Variants in WDR19 observed in about 807,000 individuals in gnomAD.
The protein encoded by WDR19 is WD repeat-containing protein 19.
Under a neutral mutation model 180.0 loss-of-function variants are expected in WDR19, and 121 were observed. The ratio of observed to expected loss-of-function variants is 0.67; its 90% CI spans 0.58 to 0.78. The LOEUF is 0.78. WDR19 is among the 30% of genes least tolerant of loss of function. The pLI, the probability that WDR19 is intolerant of heterozygous loss-of-function variation, is 0.00. For missense variants in WDR19, 1,450 were observed against 1,640.7 expected (o/e 0.88, Z 2.01); for synonymous variants, 497 against 540.7 (o/e 0.92, Z 1.12).
intron 10 of WDR19, among the ~76,000 whole-genome samples, chr4:39,214,877 A>G (rs754544988): frequency 1.4e-4 from 21 of 151,224 alleles, no homozygotes; most frequent in Admixed American, 6.6e-4. Flanking sequence ...GGCTCAAGCT[A>G]TTCTCCTGCC....
chr4:39,251,499 A>G (rs1381751986), intron 24 of WDR19, among the ~76,000 whole-genome samples: 3 of 152,020 alleles, frequency 2.0e-5, no homozygotes, highest in Non-Finnish European at 4.4e-5. Flanking sequence ...ACAAAAGCCA[A>G]AATTGACAAA....
rs1220683360 is a variant in WDR19, at chr4:39,231,821, C to T, written c.2007C>T (p.Cys669=). The change falls in exon 18 of 37, where the codon TGC becomes TGT. Residue 669 remains cysteine (C), a synonymous_variant. Coordinates refer to ENST00000399820, the MANE Select transcript of WDR19 (RefSeq NM_025132.4). ...LKRFSDAWEM[C]RILNDEAAWN... ...GGTTTTCTGATGCTTGGGAAATGTGCAGGATTCTGAATGATGAGGCTGCCT... is the reference window on the plus strand; with the variant it reads ...GGTTTTCTGATGCTTGGGAAATGTGTAGGATTCTGAATGATGAGGCTGCCT... The T allele has an allele frequency of 3.1e-6, 5 of 1,593,660 alleles. No individual in the cohort carries two copies. Among genetic ancestry groups the T allele is most frequent in the Admixed American group, 1.7e-5 (1 of 59,410 alleles).
intron 6 of WDR19, among the ~76,000 whole-genome samples, chr4:39,202,556 G>A (rs1489960813): frequency 6.6e-6 from 1 of 151,952 alleles, no homozygotes; most frequent in African/African-American, 2.4e-5. Context: ...GATAAAATTA[G>A]TATGTCCCTT....
chr4:39,229,367 G>A (rs1465982207), intron 17 of WDR19, among the ~76,000 whole-genome samples: 1 of 152,148 alleles, frequency 6.6e-6, no homozygotes, highest in Admixed American at 6.5e-5. Flanking sequence ...GTGAGGCTCA[G>A]ATAAGATAGT....
intron 4 of WDR19, 76 bp downstream of exon 4, chr4:39,189,857 T>A: frequency 1.2e-5 from 18 of 1,445,790 alleles, no homozygotes; most frequent in Non-Finnish European, 1.7e-5. Context: ...AACAATTCTT[T>A]ACTACTTTCA....
chr4:39,192,823 G>A (rs982226999), intron 4 of WDR19, among the ~76,000 whole-genome samples: 4 of 152,160 alleles, frequency 2.6e-5, no homozygotes, highest in Non-Finnish European at 1.5e-5. Flanking sequence ...GAGTCTTTGG[G>A]CAAAAGTTAC....
intron 15 of WDR19, among the ~76,000 whole-genome samples, chr4:39,227,678 G>A (rs1233851156): frequency 3.3e-5 from 5 of 152,118 alleles, no homozygotes; most frequent in Admixed American, 1.3e-4. Context: ...TTTGCTATCC[G>A]TGGGAGATCC....
Position 39,260,450 on chromosome 4 carries a change from G to A in WDR19, c.3183+2896G>A, listed in dbSNP as rs567542134. ...CCTCCTGGGTTCAAGTGATTCTCCT[G>A]CCTCGGCCTCCAGCAGTAGCTGAGA... is the stretch of plus-strand genomic sequence containing the variant. On this transcript the variant is annotated intron_variant, in intron 28 of 36. Coordinates refer to ENST00000399820, the MANE Select transcript of WDR19 (RefSeq NM_025132.4). Among the ~76,000 whole-genome samples the A allele has an allele frequency of 1.4e-3, 215 of 150,502 alleles. 2 individuals carry two copies. Among genetic ancestry groups the A allele is most frequent in the African/African-American group, 5.0e-3 (205 of 40,964 alleles).
chr4:39,266,581 C>T (rs924049476), intron 29 of WDR19, among the ~76,000 whole-genome samples: 2 of 152,114 alleles, frequency 1.3e-5, no homozygotes, highest in Non-Finnish European at 2.9e-5. Context: ...TAGCCATGCC[C>T]CTCTAGATAA....
rs142116483 is a variant in WDR19 at position 39,200,967 on chromosome 4, G to A, written c.522+1374G>A. Among the ~76,000 whole-genome samples the A allele has an allele frequency of 1.2e-4, 18 of 152,264 alleles. 1 individual carries two copies. In the East Asian group the frequency reaches 3.5e-3, roughly 29 times the overall value. ...GAGATCAATGAAAGTTTGATTGTGA[G>A]TCTCTCAAAGATAGAAGGCTATCTG... On this transcript the variant is annotated intron_variant, in intron 6 of 36. Coordinates refer to ENST00000399820, the MANE Select transcript of WDR19 (RefSeq NM_025132.4).
At chr4:39,185,344 G>A (rs1362196456) in intron 1 of WDR19, among the ~76,000 whole-genome samples, 2 of 152,162 alleles carry the variant, frequency 1.3e-5, no homozygotes, top group Admixed American at 6.5e-5. Context: ...TTTTTGTTCA[G>A]TTTAATCACC....
intron 9 of WDR19, among the ~76,000 whole-genome samples, chr4:39,210,660 C>A (rs1728399807): frequency 6.6e-6 from 1 of 151,990 alleles, no homozygotes; most frequent in African/African-American, 2.4e-5. Flanking sequence ...AGCAACAGAG[C>A]AAGACCCTGT....
chr4:39,240,593 A>G (rs1731828847), intron 21 of WDR19, among the ~76,000 whole-genome samples: 1 of 152,164 alleles, frequency 6.6e-6, no homozygotes, highest in African/African-American at 2.4e-5. Context: ...GTTGGAAATA[A>G]GATTTTTATC....
intron 9 of WDR19, 147 bp downstream of exon 9, chr4:39,205,883 G>A (rs1577874452): frequency 5.4e-6 from 4 of 737,812 alleles, no homozygotes; most frequent in African/African-American, 1.8e-5. Context: ...TTAATATTCA[G>A]GGCAAAAATA....
chr4:39,269,072 G>A (rs1373348208), intron 30 of WDR19, among the ~76,000 whole-genome samples: 1 of 152,074 alleles, frequency 6.6e-6, no homozygotes, highest in Admixed American at 6.6e-5. Context: ...GGGAGGTGGG[G>A]AAGTGCTGGG....
At chr4:39,245,304 T>C in intron 23 of WDR19, 65 bp from the exon 24 acceptor site, 1 of 1,315,128 alleles carries the variant, frequency 7.6e-7, no homozygotes, top group Non-Finnish European at 1.1e-6. Context: ...TAACATTTGG[T>C]TATAGCAGGC....
chr4:39,197,984 G>A (rs1266754885), intron 5 of WDR19, among the ~76,000 whole-genome samples: 1 of 151,592 alleles, frequency 6.6e-6, no homozygotes, highest in Non-Finnish European at 1.5e-5. Flanking sequence ...GACTACAGGT[G>A]TGTGCACCAG....
chr4:39,270,238 A>G (rs190165865), intron 31 of WDR19, 138 bp downstream of exon 31: 1 of 1,211,332 alleles, frequency 8.3e-7, no homozygotes, highest in East Asian at 2.5e-5. Flanking sequence ...AAGATACAGA[A>G]CATATCTACA....
chr4:39,223,520 G>T (rs1256185554), intron 14 of WDR19, among the ~76,000 whole-genome samples: 1 of 151,744 alleles, frequency 6.6e-6, no homozygotes, highest in African/African-American at 2.4e-5. Context: ...TAGTAGAGAC[G>T]GGGTTTCACC....
Sources: allele counts gnomAD v4.1 joint callset (sites outside exome capture counted in the v4.1 genomes callset), GRCh38; gene constraint gnomAD v4.1.1; transcripts MANE v1.5; gene names NCBI Gene and HGNC (gene_info 2026-07-23, HGNC 2026-07-21).